Variants in CFAP54 observed in about 807,000 individuals in gnomAD.
The protein encoded by CFAP54 is cilia- and flagella-associated protein 54.
A neutral mutation model predicts 370.4 loss-of-function variants in CFAP54; 290 were observed. The observed-to-expected ratio is 0.78, with a 90% CI of 0.71 to 0.86. CFAP54 has a LOEUF of 0.86. CFAP54 is among the 40% of genes least tolerant of loss of function. CFAP54 has a pLI of 0.00. For synonymous variants in CFAP54, 1,206 were observed against 1,236.5 expected, an observed-to-expected ratio of 0.98 and a Z score of 0.52; for missense variants, 3,399 against 3,528.7, an observed-to-expected ratio of 0.96 and a Z score of 0.93.
At position 96,597,035 on chromosome 12, in the gene CFAP54, T is replaced by C. The variant is rs138911940; in HGVS notation, c.3517-1610T>C. Among the ~76,000 whole-genome samples the C allele has an allele frequency of 4.0e-3, 616 of 152,182 alleles. 4 individuals carry two copies. Among genetic ancestry groups the C allele is most frequent in the African/African-American group, 0.014 (573 of 41,542 alleles). On this transcript the variant is annotated intron_variant, in intron 25 of 67. Transcript: ENST00000524981. ...GGGCAATTGCATTCTCATTCATACA[T>C]GGGGGAAATGTGAATTGTTACAAGC... is the stretch of plus-strand genomic sequence containing the variant.
intron 66 of CFAP54, among the ~76,000 whole-genome samples, chr12:96,852,374 T>C (rs1161740831): frequency 6.6e-6 from 1 of 152,086 alleles, no homozygotes; most frequent in Non-Finnish European, 1.5e-5. Flanking sequence ...TTCTATATAA[T>C]AAGTCCAGGA....
chr12:96,670,834 A>G (rs939365700), intron 39 of CFAP54, among the ~76,000 whole-genome samples: 4 of 152,244 alleles, frequency 2.6e-5, no homozygotes, highest in African/African-American at 7.2e-5. Context: ...TGACACCGCC[A>G]GCATAGGGCC....
intron 14 of CFAP54, 138 bp from the exon 15 acceptor site, chr12:96,547,764 T>C (rs1454679651): frequency 1.7e-5 from 7 of 400,480 alleles, no homozygotes; most frequent in Non-Finnish European, 2.7e-5. Context: ...TTTTTATTTC[T>C]CTGGTCCTTC....
intron 48 of CFAP54, among the ~76,000 whole-genome samples, chr12:96,709,701 T>TTTTTTATTATTATTATTA (rs145639086): frequency 1.8e-4 from 26 of 144,092 alleles, no homozygotes; most frequent in African/African-American, 6.4e-4. Context: ...TTGATCATGG[T>TTTTTTATTATTATTATTA]TTATTATTAT....
chr12:96,764,364 T>G, intron 59 of CFAP54, 115 bp downstream of exon 59: 1 of 697,636 alleles, frequency 1.4e-6, no homozygotes, highest in Non-Finnish European at 2.2e-6. Context: ...ACCTCATGCC[T>G]GTTATCCCAG....
At chr12:96,599,565 A>T (rs1956218036) in intron 26 of CFAP54, among the ~76,000 whole-genome samples, 1 of 152,156 alleles carries the variant, frequency 6.6e-6, no homozygotes, top group Non-Finnish European at 1.5e-5. Context: ...CTAGTTCTAG[A>T]TCCTTGAGGA....
At position 96,738,608 on chromosome 12, in the gene CFAP54, CTTTTT is replaced by C. The variant is rs71068829; in HGVS notation, c.6966-1331_6966-1327del. On this transcript the variant is annotated intron_variant, in intron 50 of 67. Coordinates refer to ENST00000524981, the MANE Select transcript of CFAP54 (RefSeq NM_001306084.2). ...CCAAGCACGTCTATGTCTAAATCTC[CTTTTT>C]TTTTTTTTTTTTTTTTGAAACGGGG... is the stretch of plus-strand genomic sequence containing the variant. Among the ~76,000 whole-genome samples, 104 of 129,236 alleles carry C rather than the reference CTTTTT, an allele frequency of 8.0e-4. 2 individuals carry two copies. Among genetic ancestry groups the C allele is most frequent in the East Asian group, 3.3e-3 (13 of 3,936 alleles). 84.8% of individuals were successfully genotyped at this position (129,236 alleles called of 152,430 possible).
Position 96,679,713 on chromosome 12 carries a change from A to T in CFAP54, c.5677A>T (p.Ser1893Cys). The T allele has an allele frequency of 6.2e-7, 1 of 1,613,362 alleles. No homozygotes were observed. The highest frequency in any genetic ancestry group is 8.5e-7 in the Non-Finnish European group (1 of 1,179,634). Residue 1893 changes from serine to cysteine, a missense_variant, in exon 40 of 68, where the codon AGC becomes TGC. Physicochemically the swap from Ser to Cys is moderately radical, Grantham distance 112. Around this residue, in one of 3 missense-constraint regions of CFAP54, gnomAD observed 2,796 missense variants for 2,869.7 expected, o/e 0.97. Transcript: ENST00000524981. ...SKYHNRSIRH[S>C]RKLLSLFLAQ... ...ATACCATAACAGATCAATCCGACAC[A>T]GCAGAAAGTTGCTTTCATTATTTCT...
Position 96,693,716 on chromosome 12 carries a change from T to C in CFAP54, c.6265-6T>C. On this transcript the variant is annotated splice_polypyrimidine_tract_variant and splice_region_variant and intron_variant, in intron 44 of 67. Coordinates refer to ENST00000524981, the MANE Select transcript of CFAP54 (RefSeq NM_001306084.2). ...TTTGAAACAAAGAGTGTTTTTCTCCTGATAGGTTCTGCCTCTCCTTGCATT... is the reference window on the plus strand; with the variant it reads ...TTTGAAACAAAGAGTGTTTTTCTCCCGATAGGTTCTGCCTCTCCTTGCATT... The C allele has an allele frequency of 6.5e-7, 1 of 1,543,418 alleles. No individual in the cohort carries two copies. The highest frequency in any genetic ancestry group is 8.9e-7 in the Non-Finnish European group (1 of 1,128,548).
intron 50 of CFAP54, among the ~76,000 whole-genome samples, chr12:96,736,830 A>G (rs892788441): frequency 2.0e-5 from 3 of 152,220 alleles, no homozygotes; most frequent in Non-Finnish European, 2.9e-5. Flanking sequence ...CTAACACTAT[A>G]TGGATAGCAA....
intron 26 of CFAP54, among the ~76,000 whole-genome samples, chr12:96,609,122 A>G (rs1362936876): frequency 2.0e-5 from 3 of 152,226 alleles, no homozygotes; most frequent in Non-Finnish European, 2.9e-5. Flanking sequence ...CAATTTTCAT[A>G]TCAGAAAAAG....
At chr12:96,712,686 C>T (rs539436415) in intron 48 of CFAP54, among the ~76,000 whole-genome samples, 1 of 152,156 alleles carries the variant, frequency 6.6e-6, no homozygotes, top group Non-Finnish European at 1.5e-5. Context: ...TCCCATCTCC[C>T]CTTCCCAGCC....
intron 39 of CFAP54, among the ~76,000 whole-genome samples, chr12:96,675,866 C>T (rs1275921928): frequency 1.3e-5 from 2 of 151,360 alleles, no homozygotes; most frequent in Admixed American, 6.6e-5. Context: ...CATATTCTCA[C>T]TCACAGGTGG....
rs151307591 is a variant in CFAP54, at chr12:96,753,699, C to T, written c.7685-44C>T. The T allele has an allele frequency of 4.1e-4, 654 of 1,582,832 alleles. 5 individuals carry two copies. The East Asian group carries it at 0.011, about 26-fold the overall frequency. ...TAACTTGGAGGCTTGTTATAAACAC[C>T]GTGTATTTTTTTGTTCTTCCCCACC... is the stretch of plus-strand genomic sequence containing the variant. On this transcript the variant is annotated intron_variant, in intron 55 of 67. Transcript: ENST00000524981.
intron 67 of CFAP54, among the ~76,000 whole-genome samples, chr12:96,871,504 T>C (rs1960165831): frequency 6.6e-6 from 1 of 152,146 alleles, no homozygotes; most frequent in Non-Finnish European, 1.5e-5. Context: ...CAGTAAATAA[T>C]TAAAAATTAC....
At chr12:96,603,748 G>T (rs944013538) in intron 26 of CFAP54, among the ~76,000 whole-genome samples, 1 of 151,800 alleles carries the variant, frequency 6.6e-6, no homozygotes, top group Non-Finnish European at 1.5e-5. Context: ...TGATCGAATC[G>T]GCTACTGAAG....
At chr12:96,498,989 A>T (rs1026339178) in intron 1 of CFAP54, among the ~76,000 whole-genome samples, 9 of 151,892 alleles carry the variant, frequency 5.9e-5, no homozygotes, top group Non-Finnish European at 1.2e-4. Flanking sequence ...TTATTTACTA[A>T]TTTTTTTGAG....
In CFAP54 at chr12:96,679,752, G is replaced by A. The variant is rs138249141; in HGVS notation, c.5716G>A (p.Asp1906Asn). Residue 1906 changes from aspartate (D) to asparagine (N), a missense_variant and splice_region_variant, in exon 40 of 68, where the codon GAT (aspartate) becomes AAT (asparagine). This residue lies in a region of CFAP54 where 2,796 missense variants were observed against 2,869.7 expected (regional missense o/e 0.97). Transcript: ENST00000524981. ...LLSLFLAQTQ[D>N]VLQASNQRSL... ...TTCATTATTTCTTGCACAGACACAA[G>A]GTAAAATGCATGTTCTGTATCTCTG... The A allele has an allele frequency of 7.8e-5, 126 of 1,611,102 alleles. No individual in the cohort carries two copies. The highest frequency in any genetic ancestry group is 1.0e-4 in the Non-Finnish European group (123 of 1,178,604).
chr12:96,644,363 G>A lies in CFAP54; in HGVS notation c.4502G>A (p.Trp1501Ter). The change falls in exon 33 of 68, where the codon TGG (tryptophan) becomes TAG (stop). Residue 1501 changes from tryptophan (W) to a stop codon, truncating the protein, a stop_gained. Coordinates refer to ENST00000524981, the MANE Select transcript of CFAP54 (RefSeq NM_001306084.2). LOFTEE classifies it high-confidence loss of function. ...AHFNLVLQKLWECTKMKFGTS... is the reference protein window; with the variant it reads ...AHFNLVLQKL ...TTTAACCTGGTTTTACAAAAGCTAT[G>A]GGAGTGTACGAAGATGAAATTTGGC... 1 of 1,535,920 alleles carries A rather than the reference G, an allele frequency of 6.5e-7. No individual in the cohort carries two copies. The highest frequency in any genetic ancestry group is 8.7e-7 in the Non-Finnish European group (1 of 1,146,776).
Sources: allele counts gnomAD v4.1 joint callset (sites outside exome capture counted in the v4.1 genomes callset), GRCh38; gene constraint gnomAD v4.1.1; regional missense constraint gnomAD v4.1.1; transcripts MANE v1.5; gene names NCBI Gene and HGNC (gene_info 2026-07-23, HGNC 2026-07-21).